Variants in GTF2F2 observed in about 807,000 individuals in gnomAD.
The protein encoded by GTF2F2 is general transcription factor IIF subunit 2.
GTF2F2 carries 23 observed loss-of-function variants against 42.2 expected under a neutral mutation model. That is an observed-to-expected ratio of 0.55 (90% CI 0.39 to 0.77). The LOEUF (loss-of-function observed/expected upper bound fraction) is 0.77, where lower values mean the gene tolerates loss of function less well. GTF2F2 is among the 30% of genes least tolerant of loss of function. The pLI is 0.00. For missense variants in GTF2F2, 261 were observed against 287.2 expected, an observed-to-expected ratio of 0.91 and a Z score of 0.66; for synonymous variants, 105 against 100.8, an observed-to-expected ratio of 1.04 and a Z score of -0.25.
chr13:45,257,284 C>T (rs1876143226), intron 6 of GTF2F2, among the ~76,000 whole-genome samples: 1 of 152,164 alleles, frequency 6.6e-6, no homozygotes, highest in South Asian at 2.1e-4. Flanking sequence ...AAACCATCTT[C>T]TTACTAGGAT....
intron 4 of GTF2F2, chr13:45,194,152 T>C: frequency 1.2e-6 from 2 of 1,614,126 alleles, no homozygotes; most frequent in Middle Eastern, 1.6e-4. Flanking sequence ...GAAAGTAGTC[T>C]CTCTGGGTGT....
At chr13:45,192,530 G>A (rs1004591604) in intron 4 of GTF2F2, among the ~76,000 whole-genome samples, 9 of 151,968 alleles carry the variant, frequency 5.9e-5, no homozygotes, top group Admixed American at 4.6e-4. Context: ...AGATTTAATC[G>A]TTTAATTTTA....
chr13:45,185,109 C>A (rs1389600824), intron 4 of GTF2F2, among the ~76,000 whole-genome samples: 1 of 152,132 alleles, frequency 6.6e-6, no homozygotes, highest in African/African-American at 2.4e-5. Flanking sequence ...AGGTGCGACA[C>A]CCCGCTTAGC....
intron 6 of GTF2F2, among the ~76,000 whole-genome samples, chr13:45,264,073 C>A (rs1241034228): frequency 6.6e-6 from 1 of 151,984 alleles, no homozygotes; most frequent in Non-Finnish European, 1.5e-5. Context: ...AGAAAAAAAA[C>A]AGTTTTTGTT....
At position 45,252,898 on chromosome 13, in the gene GTF2F2, A is replaced by G. The variant is rs778336087; in HGVS notation, c.414A>G (p.Pro138=). The part of the protein sequence containing the change: ...KRLQIEESSK[P]VRLSQQLDKV... ...TGCAAATAGAAGAGTCTTCCAAACC[A>G]GTGAGGCTATCACAACAGCTGGACA... The change falls in exon 6 of 8, where the codon CCA becomes CCG. Residue 138 remains proline, a synonymous_variant. Transcript: ENST00000340473. 6 of 1,507,532 alleles carry G rather than the reference A, an allele frequency of 4.0e-6. No homozygotes were observed. In the Admixed American group the frequency reaches 1.5e-4, roughly 37 times the overall value. 93.4% of individuals were successfully genotyped at this position (1,507,532 alleles called of 1,614,324 possible). A position where few individuals can be genotyped will look rare whatever the true frequency, so the allele number is the denominator to read the frequency against.
chr13:45,235,617 T>A (rs1377444529), intron 5 of GTF2F2, among the ~76,000 whole-genome samples: 1 of 151,542 alleles, frequency 6.6e-6, no homozygotes, highest in African/African-American at 2.4e-5. Flanking sequence ...TGAGATAGAG[T>A]CCCGCTGTGT....
At chr13:45,240,975 CAAAAAA>C (rs1210038157) in intron 5 of GTF2F2, among the ~76,000 whole-genome samples, 1 of 106,500 alleles carries the variant, frequency 9.4e-6, no homozygotes, top group Non-Finnish European at 2.0e-5. Context: ...CCTGTTATTA[CAAAAAA>C]AAAAAAAAAA....
At chr13:45,144,387 C>G (rs1870084699) in intron 2 of GTF2F2, among the ~76,000 whole-genome samples, 1 of 151,422 alleles carries the variant, frequency 6.6e-6, no homozygotes, top group Admixed American at 6.6e-5. Context: ...TATTGATAAT[C>G]ATGTAGCCTG....
chr13:45,271,223 G>A (rs568348439), intron 7 of GTF2F2, among the ~76,000 whole-genome samples: 58 of 151,916 alleles, frequency 3.8e-4, no homozygotes, highest in African/African-American at 1.2e-3. Flanking sequence ...CCCGGGAGGC[G>A]GAGGTTGCAG....
At chr13:45,190,406 T>G (rs1238769897) in intron 4 of GTF2F2, among the ~76,000 whole-genome samples, 1 of 152,216 alleles carries the variant, frequency 6.6e-6, no homozygotes, top group African/African-American at 2.4e-5. Flanking sequence ...AATGCCTGTT[T>G]TCTGCCACGT....
At chr13:45,196,046 G>A (rs1429015959) in intron 4 of GTF2F2, among the ~76,000 whole-genome samples, 1 of 152,136 alleles carries the variant, frequency 6.6e-6, no homozygotes, top group Non-Finnish European at 1.5e-5. Flanking sequence ...AGGAATATTG[G>A]AAGAGATTCT....
At chr13:45,153,208 C>T (rs1184525173) in intron 4 of GTF2F2, among the ~76,000 whole-genome samples, 1 of 150,236 alleles carries the variant, frequency 6.7e-6, no homozygotes, top group Non-Finnish European at 1.5e-5. Context: ...TTAGTAGAGA[C>T]GGGGTTTCAC....
At chr13:45,163,637 C>G (rs958088906) in intron 4 of GTF2F2, among the ~76,000 whole-genome samples, 2 of 152,030 alleles carry the variant, frequency 1.3e-5, no homozygotes, top group Non-Finnish European at 2.9e-5. Flanking sequence ...ATTTCATTTC[C>G]TTTGGCTTTT....
At chr13:45,186,201 C>G (rs1202691724) in intron 4 of GTF2F2, among the ~76,000 whole-genome samples, 1 of 151,772 alleles carries the variant, frequency 6.6e-6, no homozygotes, top group African/African-American at 2.4e-5. Flanking sequence ...TCTTGAACTC[C>G]TGACCTCAAG....
chr13:45,214,165 T>A (rs142295192), intron 5 of GTF2F2, among the ~76,000 whole-genome samples: 1 of 152,228 alleles, frequency 6.6e-6, no homozygotes, highest in Non-Finnish European at 1.5e-5. Flanking sequence ...ATGATTAGTC[T>A]TCTTTTAGTG....
At chr13:45,187,531 A>C (rs894181980) in intron 4 of GTF2F2, among the ~76,000 whole-genome samples, 1 of 152,096 alleles carries the variant, frequency 6.6e-6, no homozygotes, top group Non-Finnish European at 1.5e-5. Context: ...CTCTTCATAA[A>C]TTTTTTTAGC....
chr13:45,150,669 T>G (rs1870444304), intron 3 of GTF2F2, among the ~76,000 whole-genome samples: 1 of 147,234 alleles, frequency 6.8e-6, no homozygotes, highest in South Asian at 2.1e-4. Context: ...ATCATCTTTT[T>G]TTTTTTTTGA....
chr13:45,182,663 A>G (rs1207163442), intron 4 of GTF2F2, among the ~76,000 whole-genome samples: 3 of 152,054 alleles, frequency 2.0e-5, no homozygotes, highest in Non-Finnish European at 4.4e-5. Context: ...AAGGTAGTCT[A>G]CTTTTTTCTT....
intron 4 of GTF2F2, chr13:45,193,983 T>C (rs779758432): frequency 1.9e-5 from 31 of 1,613,948 alleles, no homozygotes; most frequent in Non-Finnish European, 2.5e-5. Context: ...AGTATTTAAA[T>C]TGGATGATAT....
Sources: allele counts gnomAD v4.1 joint callset (sites outside exome capture counted in the v4.1 genomes callset), GRCh38; gene constraint gnomAD v4.1.1; transcripts MANE v1.5; gene names NCBI Gene and HGNC (gene_info 2026-07-23, HGNC 2026-07-21).